The following C1QTNF7 variants were observed in gnomAD, a reference collection of about 807,000 sequenced individuals.
The protein encoded by C1QTNF7 is C1q and TNF related 7, also known as complement C1q tumor necrosis factor-related protein 7.
In C1QTNF7, 15 loss-of-function variants were observed where a neutral mutation model predicts 19.6. The ratio of observed to expected loss-of-function variants is 0.76; its 90% CI spans 0.51 to 1.18. C1QTNF7 has a LOEUF of 1.18. Ranked by LOEUF, C1QTNF7 falls within the 50% of genes most tolerant of loss-of-function variation. The probability of loss-of-function intolerance (pLI) is 0.00; values close to 1 mark genes in which losing one functional copy is unlikely to be tolerated. For missense variants in C1QTNF7, 324 were observed against 359.7 expected (o/e 0.90, Z 0.80); for synonymous variants, 142 against 137.5 (o/e 1.03, Z -0.23).
chr4:15,409,909 C>T (rs147760249), intron 1 of C1QTNF7, among the ~76,000 whole-genome samples: 67 of 152,160 alleles, frequency 4.4e-4, no homozygotes, highest in African/African-American at 1.5e-3. Flanking sequence ...CTTTTTTTCT[C>T]CATTGTCCTT....
intron 1 of C1QTNF7, among the ~76,000 whole-genome samples, chr4:15,398,178 G>T (rs1387263375): frequency 6.6e-6 from 1 of 152,036 alleles, no homozygotes; most frequent in Non-Finnish European, 1.5e-5. Context: ...ACTGAAATAT[G>T]GCCCTAGGTC....
chr4:15,340,329 T>G, intron 1 of C1QTNF7: 1 of 1,210,402 alleles, frequency 8.3e-7, no homozygotes, highest in Non-Finnish European at 1.2e-6. Context: ...TGTAAAAATA[T>G]GTCAACAAAT....
At chr4:15,422,197 A>C (rs887380246) in intron 1 of C1QTNF7, among the ~76,000 whole-genome samples, 3 of 105,682 alleles carry the variant, frequency 2.8e-5, no homozygotes, top group Non-Finnish European at 3.8e-5. Context: ...AATCTAATAA[A>C]CCTGTTTTTT....
At chr4:15,360,260 T>C (rs1717290120) in intron 1 of C1QTNF7, among the ~76,000 whole-genome samples, 1 of 152,120 alleles carries the variant, frequency 6.6e-6, no homozygotes, top group Admixed American at 6.6e-5. Context: ...TACAGCTAAT[T>C]CTCACTATTC....
At chr4:15,354,545 G>C (rs1353713669) in intron 1 of C1QTNF7, among the ~76,000 whole-genome samples, 1 of 152,014 alleles carries the variant, frequency 6.6e-6, no homozygotes, top group Non-Finnish European at 1.5e-5. Flanking sequence ...GCTGCGCTCT[G>C]TCCTGGGTTC....
intron 1 of C1QTNF7, among the ~76,000 whole-genome samples, chr4:15,347,367 G>T: frequency 6.6e-6 from 1 of 152,128 alleles, no homozygotes; most frequent in East Asian, 1.9e-4. Context: ...TTTAGAAGTA[G>T]CAAGAAAAAG....
intron 1 of C1QTNF7, among the ~76,000 whole-genome samples, chr4:15,354,020 C>A (rs995749001): frequency 1.3e-5 from 2 of 152,094 alleles, no homozygotes; most frequent in Admixed American, 6.5e-5. Flanking sequence ...TCATGGATTT[C>A]AGGGAAGAGG....
chr4:15,341,855 C>T (rs760901429), intron 1 of C1QTNF7, among the ~76,000 whole-genome samples: 13 of 152,154 alleles, frequency 8.5e-5, no homozygotes, highest in Non-Finnish European at 1.3e-4. Flanking sequence ...ACCCTGGGGA[C>T]GGGTGCGGCA....
intron 1 of C1QTNF7, among the ~76,000 whole-genome samples, chr4:15,340,995 T>C (rs1365265219): frequency 1.3e-5 from 2 of 152,226 alleles, no homozygotes; most frequent in African/African-American, 4.8e-5. Context: ...ATGAGATGTG[T>C]TGTTCCCTTT....
In C1QTNF7 at chr4:15,444,386, A is replaced by AT. The variant is rs1250296259; in HGVS notation, c.*1587_*1588insT. The AT allele has an allele frequency of 6.6e-6, 1 of 152,096 alleles. No individual in the cohort carries two copies. The highest frequency in any genetic ancestry group is 1.5e-5 in the Non-Finnish European group (1 of 68,024). 9.4% of individuals were successfully genotyped at this position (152,096 alleles called of 1,614,324 possible). ...AACTTGGGGAGGGCGGAAACATCAC[A>AT]CACAAGGTTTCCACTTCACACTTGG... is the stretch of plus-strand genomic sequence containing the variant. On this transcript the variant is annotated 3_prime_UTR_variant, in exon 3 of 3. Coordinates refer to ENST00000444304, the MANE Select transcript of C1QTNF7 (RefSeq NM_031911.5).
intron 1 of C1QTNF7, among the ~76,000 whole-genome samples, chr4:15,396,908 G>T (rs529502172): frequency 6.6e-6 from 1 of 152,122 alleles, no homozygotes. Flanking sequence ...CTGTTTTCAC[G>T]CTGCTAATAA....
intron 1 of C1QTNF7, among the ~76,000 whole-genome samples, chr4:15,372,010 G>T (rs2109307095): frequency 6.6e-6 from 1 of 152,264 alleles, no homozygotes; most frequent in South Asian, 2.1e-4. Flanking sequence ...GGGGAGCAGG[G>T]TTCTTGTCGT....
intron 1 of C1QTNF7, among the ~76,000 whole-genome samples, chr4:15,418,048 T>C (rs984641495): frequency 6.6e-6 from 1 of 152,194 alleles, no homozygotes; most frequent in Non-Finnish European, 1.5e-5. Context: ...TTCGTCAGGA[T>C]GAGCCCGCAT....
chr4:15,392,440 C>A (rs896844081), intron 1 of C1QTNF7, among the ~76,000 whole-genome samples: 3 of 152,222 alleles, frequency 2.0e-5, no homozygotes, highest in Non-Finnish European at 4.4e-5. Context: ...AAGCCCGGTG[C>A]CCCTTCAGCC....
chr4:15,360,786 A>C (rs935880804), intron 1 of C1QTNF7, among the ~76,000 whole-genome samples: 3 of 152,188 alleles, frequency 2.0e-5, no homozygotes. Flanking sequence ...CTTGCAAATA[A>C]ATTTTAGCAA....
chr4:15,438,234 C>A (rs1712614217), intron 2 of C1QTNF7, among the ~76,000 whole-genome samples: 1 of 152,030 alleles, frequency 6.6e-6, no homozygotes, highest in East Asian at 1.9e-4. Context: ...TATTTAAATA[C>A]AATATACACA....
In C1QTNF7 at chr4:15,392,142, T is replaced by C. The variant is rs926097945; in HGVS notation, c.14-43594T>C. 4.8e-4 allele frequency among the ~76,000 whole-genome samples: 73 copies of C among 152,224 alleles called. 1 individual carries two copies. Among genetic ancestry groups the C allele is most frequent in the Admixed American group, 1.5e-3 (23 of 15,280 alleles). The stretch of plus-strand genomic sequence containing the variant: ...CAAAAAGAACTGAACATTTTAGGAA[T>C]GTGCCATAGACACCAAGCTGAATTT... On this transcript the variant is annotated intron_variant, in intron 1 of 2. Coordinates refer to the C1QTNF7 transcript ENST00000295297.
At position 15,368,468 on chromosome 4, in the gene C1QTNF7, G is replaced by A. The variant is rs371738191; in HGVS notation, c.13+28261G>A. 1.0e-3 allele frequency among the ~76,000 whole-genome samples: 158 copies of A among 152,058 alleles called. No individual in the cohort carries two copies. The South Asian group carries it at 0.018, about 18-fold the overall frequency. On this transcript the variant is annotated intron_variant, in intron 1 of 2. Transcript: ENST00000295297. ...CCCCAACCCCATGACAGGCCCCGGT[G>A]TGTGATGTTCCCCTCCCTGTGTCCA...
chr4:15,389,825 C>G (rs947719818), intron 1 of C1QTNF7, among the ~76,000 whole-genome samples: 1 of 152,276 alleles, frequency 6.6e-6, no homozygotes, highest in South Asian at 2.1e-4. Flanking sequence ...GCATTGGTAA[C>G]ACTGGATTAT....
Sources: gnomAD v4.1 joint callset for allele counts (sites outside exome capture counted in the v4.1 genomes callset) on GRCh38, gnomAD v4.1.1 for gene constraint, MANE v1.5 for transcripts, NCBI Gene and HGNC (gene_info 2026-07-23, HGNC 2026-07-21) for gene names.